OPCML: variants seen among roughly 807,000 people sequenced by gnomAD.
The protein encoded by OPCML is opioid-binding protein/cell adhesion molecule.
OPCML carries 13 observed loss-of-function variants against 37.8 expected under a neutral mutation model. The observed-to-expected ratio is 0.34, with a 90% CI of 0.22 to 0.55. The LOEUF (loss-of-function observed/expected upper bound fraction) is 0.55. Among genes scored for constraint, OPCML ranks in the 20% least tolerant of loss-of-function variants. OPCML has a pLI of 0.91. For missense variants in OPCML, 341 were observed against 435.6 expected, an observed-to-expected ratio of 0.78 and a Z score of 1.93; for synonymous variants, 176 against 168.8, an observed-to-expected ratio of 1.04 and a Z score of -0.33.
intron 1 of OPCML, among the ~76,000 whole-genome samples, chr11:133,168,334 G>C (rs1349550631): frequency 6.6e-6 from 1 of 152,194 alleles, no homozygotes; most frequent in African/African-American, 2.4e-5. Context: ...TGGGGCTTGG[G>C]GGGAAGAGAG....
chr11:132,946,398 A>G (rs146816382), intron 1 of OPCML, among the ~76,000 whole-genome samples: 1,974 of 152,244 alleles, frequency 0.013, 166 homozygotes, highest in Admixed American at 0.12. Flanking sequence ...TTATATTGTT[A>G]TCAAGTATTA....
chr11:132,788,767 G>C (rs1437266676), intron 2 of OPCML, among the ~76,000 whole-genome samples: 1 of 152,198 alleles, frequency 6.6e-6, no homozygotes, highest in Non-Finnish European at 1.5e-5. Context: ...GCTTGCCCAA[G>C]GTTACCTAGC....
chr11:132,644,397 T>C (rs1462245916), intron 3 of OPCML, among the ~76,000 whole-genome samples: 1 of 152,070 alleles, frequency 6.6e-6, no homozygotes, highest in Non-Finnish European at 1.5e-5. Context: ...GACGCATGGC[T>C]CGCTTACCTG....
intron 2 of OPCML, among the ~76,000 whole-genome samples, chr11:132,888,858 C>CA (rs5795809): frequency 0.013 from 1,874 of 139,756 alleles, 30 homozygotes; most frequent in African/African-American, 0.045. Context: ...AATTTTACAA[C>CA]AAAAAAAAAA....
At position 133,086,499 on chromosome 11, in the gene OPCML, A is replaced by G. The variant is rs112521915; in HGVS notation, c.62-143489T>C. ...TGATAAATGTCCTCCTCTTTACCCC[A>G]TCTTCTTCCTGTAGATGAAAATTCT... On this transcript the variant is annotated intron_variant, in intron 1 of 7. Transcript: ENST00000524381. 8.5e-3 allele frequency among the ~76,000 whole-genome samples: 1,302 copies of G among 152,316 alleles called. 20 individuals carry two copies. Among genetic ancestry groups the G allele is most frequent in the African/African-American group, 0.03 (1,246 of 41,552 alleles).
chr11:133,044,300 G>A (rs1456436490), intron 1 of OPCML, among the ~76,000 whole-genome samples: 1 of 152,196 alleles, frequency 6.6e-6, no homozygotes, highest in East Asian at 1.9e-4. Flanking sequence ...CGAGGCAAAG[G>A]ATTTCTGTAG....
At chr11:132,968,995 T>A (rs1276166696) in intron 1 of OPCML, among the ~76,000 whole-genome samples, 1 of 152,098 alleles carries the variant, frequency 6.6e-6, no homozygotes, top group Non-Finnish European at 1.5e-5. Flanking sequence ...AATTCCTGGT[T>A]TTATTTTATT....
chr11:133,355,636 G>A (rs2136703241), intron 1 of OPCML, among the ~76,000 whole-genome samples: 1 of 152,270 alleles, frequency 6.6e-6, no homozygotes, highest in South Asian at 2.1e-4. Flanking sequence ...CCAACCCTCA[G>A]CCCAGTGCCC....
intron 2 of OPCML, among the ~76,000 whole-genome samples, chr11:132,815,478 C>T (rs1411882205): frequency 6.6e-6 from 1 of 152,192 alleles, no homozygotes; most frequent in Non-Finnish European, 1.5e-5. Context: ...AGTTTGAAGT[C>T]TTTAGCAAAG....
In OPCML at chr11:132,657,193, G is replaced by A. The variant is rs192449854; in HGVS notation, c.273C>T (p.Tyr91=). The A allele has an allele frequency of 5.6e-6, 9 of 1,614,136 alleles. No individual in the cohort carries two copies. The Admixed American group carries it at 1.0e-4, about 18-fold the overall frequency. The stretch of plus-strand genomic sequence containing the variant: ...CATCCACATTTTGGATCATGATGCT[G>A]TACTGGGTTGGTGTATTGACCAGGA... ...VIILVNTPTQ[Y]SIMIQNVDVY... Residue 91 remains tyrosine (Y), a synonymous_variant, in exon 3 of 8, where the codon TAC becomes TAT. Coordinates refer to ENST00000524381, the MANE Select transcript of OPCML (RefSeq NM_001012393.5).
chr11:132,692,862 C>A (rs780229132), intron 2 of OPCML, among the ~76,000 whole-genome samples: 3 of 152,158 alleles, frequency 2.0e-5, no homozygotes, highest in Admixed American at 6.5e-5. Flanking sequence ...GATCATGAAC[C>A]ACCTTTTCCC....
chr11:133,278,040 C>T (rs1942041650), intron 1 of OPCML, among the ~76,000 whole-genome samples: 1 of 152,166 alleles, frequency 6.6e-6, no homozygotes, highest in East Asian at 1.9e-4. Flanking sequence ...AAGTGAGATT[C>T]TATCAGCACT....
intron 2 of OPCML, among the ~76,000 whole-genome samples, chr11:132,901,193 AAATAAAT>A (rs1160947587): frequency 2.6e-5 from 4 of 152,142 alleles, no homozygotes; most frequent in East Asian, 1.9e-4. Flanking sequence ...AAAAATAAAT[AAATAAAT>A]AATAAATAAT....
At chr11:133,456,978 CAAATGTGAAGAT>C (rs1946683813) in intron 1 of OPCML, among the ~76,000 whole-genome samples, 1 of 152,108 alleles carries the variant, frequency 6.6e-6, no homozygotes, top group Non-Finnish European at 1.5e-5. Flanking sequence ...AAAAGCTTCA[CAAATGTGAAGAT>C]AAATACGGAC....
intron 1 of OPCML, among the ~76,000 whole-genome samples, chr11:132,997,941 CAGG>C (rs1217922114): frequency 2.6e-5 from 4 of 152,198 alleles, no homozygotes; most frequent in Non-Finnish European, 4.4e-5. Flanking sequence ...TTAGCCCTCA[CAGG>C]AGGTTCACAT....
chr11:133,133,267 C>G (rs1277211809), intron 1 of OPCML, among the ~76,000 whole-genome samples: 1 of 152,162 alleles, frequency 6.6e-6, no homozygotes, highest in African/African-American at 2.4e-5. Flanking sequence ...GGTTCGGAAG[C>G]AGTGTCCTGA....
intron 4 of OPCML, among the ~76,000 whole-genome samples, chr11:132,452,906 G>T (rs1176435764): frequency 6.6e-6 from 1 of 152,144 alleles, no homozygotes; most frequent in Non-Finnish European, 1.5e-5. Context: ...AATAATAGGT[G>T]TCATTCATAT....
chr11:133,518,178 G>T (rs1414205717), intron 1 of OPCML, among the ~76,000 whole-genome samples: 3 of 151,946 alleles, frequency 2.0e-5, no homozygotes, highest in Non-Finnish European at 1.5e-5. Context: ...TATAGGCAAG[G>T]TATGTATGTG....
intron 2 of OPCML, among the ~76,000 whole-genome samples, chr11:132,860,228 T>C (rs749195801): frequency 1.3e-4 from 20 of 152,342 alleles, no homozygotes; most frequent in Non-Finnish European, 1.3e-4. Context: ...GATGCCTTTC[T>C]ATTGCAGGGA....
Sources: allele counts gnomAD v4.1 joint callset (sites outside exome capture counted in the v4.1 genomes callset), GRCh38; gene constraint gnomAD v4.1.1; transcripts MANE v1.5; gene names NCBI Gene and HGNC (gene_info 2026-07-23, HGNC 2026-07-21).